NEGR1: variants seen among roughly 807,000 people sequenced by gnomAD.
NEGR1 encodes neuronal growth regulator 1.
A neutral mutation model predicts 40.9 loss-of-function variants in NEGR1; 10 were observed. The ratio of observed to expected loss-of-function variants is 0.24; its 90% CI spans 0.15 to 0.42. NEGR1 has a LOEUF of 0.42. NEGR1 is among the 10% of genes least tolerant of loss of function. The pLI is 1.00. For missense variants in NEGR1, 352 were observed against 438.9 expected (o/e 0.80, Z 1.77); for synonymous variants, 185 against 166.8 (o/e 1.11, Z -0.84).
At chr1:72,215,783 T>C (rs929001122) in intron 1 of NEGR1, among the ~76,000 whole-genome samples, 2 of 152,082 alleles carry the variant, frequency 1.3e-5, no homozygotes, top group Non-Finnish European at 2.9e-5. Context: ...AGTTCAACCG[T>C]TGTAGAAGAC....
At chr1:72,052,347 T>C (rs1249746806) in intron 1 of NEGR1, among the ~76,000 whole-genome samples, 2 of 151,402 alleles carry the variant, frequency 1.3e-5, no homozygotes, top group South Asian at 2.1e-4. Flanking sequence ...GATATTGACA[T>C]AGAAAACACT....
chr1:71,563,591 A>C (rs947345433), intron 6 of NEGR1, among the ~76,000 whole-genome samples: 1 of 152,016 alleles, frequency 6.6e-6, no homozygotes, highest in African/African-American at 2.4e-5. Flanking sequence ...ATTTAGAGAA[A>C]TAGAAGAGCA....
At chr1:71,957,757 TC>T (rs1646130998) in intron 1 of NEGR1, among the ~76,000 whole-genome samples, 1 of 152,212 alleles carries the variant, frequency 6.6e-6, no homozygotes, top group African/African-American at 2.4e-5. Context: ...AATTTTCTGC[TC>T]AGTACCATCT....
chr1:71,439,032 A>G (rs1646529100), intron 6 of NEGR1, among the ~76,000 whole-genome samples: 1 of 152,142 alleles, frequency 6.6e-6, no homozygotes, highest in Non-Finnish European at 1.5e-5. Flanking sequence ...AAAATTCAAA[A>G]TAAAATCAAA....
intron 2 of NEGR1, among the ~76,000 whole-genome samples, chr1:71,929,638 C>G (rs1406610008): frequency 6.6e-6 from 1 of 151,322 alleles, no homozygotes; most frequent in African/African-American, 2.4e-5. Context: ...CATTTTTTGA[C>G]TTGTTGAAAA....
intron 1 of NEGR1, among the ~76,000 whole-genome samples, chr1:71,946,364 A>T (rs1646019070): frequency 1.3e-5 from 2 of 151,960 alleles, no homozygotes; most frequent in Non-Finnish European, 2.9e-5. Context: ...ACACCTTTGA[A>T]CTCTCAAAAA....
intron 6 of NEGR1, among the ~76,000 whole-genome samples, chr1:71,552,263 T>G (rs1242189547): frequency 6.6e-6 from 1 of 151,036 alleles, no homozygotes; most frequent in Non-Finnish European, 1.5e-5. Context: ...CTCTAATGTT[T>G]TCCTTTAGTA....
At chr1:72,138,350 G>A (rs1367375801) in intron 1 of NEGR1, among the ~76,000 whole-genome samples, 2 of 151,524 alleles carry the variant, frequency 1.3e-5, no homozygotes, top group South Asian at 2.1e-4. Context: ...TACAAAGCAG[G>A]GTGATAAACC....
intron 1 of NEGR1, among the ~76,000 whole-genome samples, chr1:71,942,749 G>C (rs1003292798): frequency 2.1e-5 from 3 of 145,086 alleles, no homozygotes; most frequent in African/African-American, 5.1e-5. Flanking sequence ...TGATCCGCCC[G>C]CCTCGGCCTC....
intron 6 of NEGR1, among the ~76,000 whole-genome samples, chr1:71,495,505 A>C (rs1646957043): frequency 6.6e-6 from 1 of 151,934 alleles, no homozygotes; most frequent in African/African-American, 2.4e-5. Context: ...AAAACAAGAA[A>C]AATAAGTTAT....
intron 1 of NEGR1, among the ~76,000 whole-genome samples, chr1:71,976,059 C>A (rs1369122983): frequency 2.6e-5 from 4 of 152,150 alleles, no homozygotes; most frequent in African/African-American, 9.7e-5. Context: ...AACTGAGACC[C>A]TATTAATGTT....
intron 6 of NEGR1, among the ~76,000 whole-genome samples, chr1:71,485,005 G>C (rs990677682): frequency 1.3e-5 from 2 of 151,582 alleles, no homozygotes; most frequent in Admixed American, 1.3e-4. Flanking sequence ...ATAATTTGAG[G>C]TTTTTTTGGC....
At chr1:72,206,897 A>G (rs1653423137) in intron 1 of NEGR1, among the ~76,000 whole-genome samples, 2 of 152,014 alleles carry the variant, frequency 1.3e-5, no homozygotes, top group East Asian at 3.9e-4. Context: ...AAGAGATTGC[A>G]GTGGTATGAA....
chr1:72,134,202 G>GTT (rs908710344), intron 1 of NEGR1, among the ~76,000 whole-genome samples: 1 of 143,294 alleles, frequency 7.0e-6, no homozygotes, highest in African/African-American at 2.6e-5. Flanking sequence ...GGGGAAATAC[G>GTT]TTTTTTTTTT....
intron 4 of NEGR1, among the ~76,000 whole-genome samples, chr1:71,684,863 A>G (rs1266967931): frequency 6.6e-6 from 1 of 152,230 alleles, no homozygotes; most frequent in Non-Finnish European, 1.5e-5. Flanking sequence ...AGGGAAGATT[A>G]CTAGGCTTTG....
At chr1:71,738,052 T>C (rs1451717692) in intron 3 of NEGR1, 8 of 152,426 alleles carry the variant, frequency 5.2e-5, no homozygotes, top group Admixed American at 5.2e-4. Context: ...TTCCTCCCAC[T>C]CCTTCCTAGG....
chr1:72,134,287 G>A (rs1010062843), intron 1 of NEGR1, among the ~76,000 whole-genome samples: 1 of 149,714 alleles, frequency 6.7e-6, no homozygotes, highest in Non-Finnish European at 1.5e-5. Flanking sequence ...CTCACTGCAA[G>A]CTCCACCTCC....
chr1:71,792,591 T>C (rs1193914601), intron 2 of NEGR1, among the ~76,000 whole-genome samples: 2 of 152,298 alleles, frequency 1.3e-5, no homozygotes, highest in Non-Finnish European at 2.9e-5. Context: ...TTTTTTCTAG[T>C]CAGTTATTTT....
At chr1:71,852,557 C>T (rs941208487) in intron 2 of NEGR1, among the ~76,000 whole-genome samples, 1 of 152,048 alleles carries the variant, frequency 6.6e-6, no homozygotes, top group African/African-American at 2.4e-5. Flanking sequence ...TTATTACCGA[C>T]CTGGCCTTTT....
Sources: gnomAD v4.1 joint callset for allele counts (sites outside exome capture counted in the v4.1 genomes callset) on GRCh38, gnomAD v4.1.1 for gene constraint, MANE v1.5 for transcripts, NCBI Gene and HGNC (gene_info 2026-07-23, HGNC 2026-07-21) for gene names.